Variants in ARHGAP42 observed in about 807,000 individuals in gnomAD.
ARHGAP42 encodes the protein Rho GTPase activating protein 42, also known as rho GTPase-activating protein 42.
A neutral mutation model predicts 125.0 loss-of-function variants in ARHGAP42; 63 were observed. The ratio of observed to expected loss-of-function variants is 0.50; its 90% confidence interval spans 0.41 to 0.62. The LOEUF is 0.62. ARHGAP42 is among the 20% of genes least tolerant of loss of function. The pLI, the probability that ARHGAP42 is intolerant of heterozygous loss-of-function variation, is 0.00. For missense variants in ARHGAP42, 766 were observed against 1,024.2 expected (o/e 0.75, Z 3.44); for synonymous variants, 339 against 351.0 (o/e 0.97, Z 0.38).
intron 12 of ARHGAP42, among the ~76,000 whole-genome samples, chr11:100,959,007 G>A (rs985920909): frequency 6.6e-6 from 1 of 151,828 alleles, no homozygotes; most frequent in Non-Finnish European, 1.5e-5. Flanking sequence ...GTCTTTAAAT[G>A]GAAGTTAGTT....
In ARHGAP42 at chr11:100,933,864, C is replaced by G. The variant is rs544526488; in HGVS notation, c.702+604C>G. ...GTGCAATGGCATGATCTCGGCTCAC[C>G]GCAACCTCCACCTCCTGGGTTCAAG... On this transcript the variant is annotated intron_variant, in intron 7 of 23. Coordinates refer to ENST00000298815, the MANE Select transcript of ARHGAP42 (RefSeq NM_152432.4). Among the ~76,000 whole-genome samples the G allele has an allele frequency of 2.6e-5, 4 of 151,892 alleles. No individual in the cohort carries two copies. In the South Asian group the frequency reaches 8.3e-4, roughly 31 times the overall value.
intron 22 of ARHGAP42, 112 bp downstream of exon 22, chr11:100,979,161 A>T (rs1858468103): frequency 1.9e-6 from 2 of 1,039,126 alleles, no homozygotes; most frequent in South Asian, 2.9e-5. Context: ...CAGATGGTCA[A>T]ATTTAAGTCC....
intron 3 of ARHGAP42, among the ~76,000 whole-genome samples, chr11:100,856,141 G>A (rs1865317747): frequency 6.6e-6 from 1 of 152,018 alleles, no homozygotes; most frequent in Non-Finnish European, 1.5e-5. Flanking sequence ...CATCAAGCCT[G>A]TTTTGTGAAT....
intron 3 of ARHGAP42, among the ~76,000 whole-genome samples, chr11:100,805,501 C>T (rs774007914): frequency 1.8e-4 from 28 of 152,130 alleles, no homozygotes; most frequent in Non-Finnish European, 3.1e-4. Context: ...AGAGAGGGTT[C>T]TTGGACCTTG....
intron 3 of ARHGAP42, among the ~76,000 whole-genome samples, chr11:100,814,461 T>A (rs920289880): frequency 6.6e-5 from 10 of 152,026 alleles, no homozygotes; most frequent in Admixed American, 2.0e-4. Flanking sequence ...AATGATTATA[T>A]CCATTTCTAA....
At chr11:100,859,319 C>A (rs1865390765) in intron 3 of ARHGAP42, 6 of 385,494 alleles carry the variant, frequency 1.6e-5, no homozygotes, top group South Asian at 6.5e-5. Context: ...AAGATTTCAC[C>A]ACAACAAGTA....
At chr11:100,902,717 G>A (rs558371213) in intron 4 of ARHGAP42, among the ~76,000 whole-genome samples, 2 of 152,146 alleles carry the variant, frequency 1.3e-5, no homozygotes, top group South Asian at 2.1e-4. Context: ...AGTGGGAACC[G>A]CAGGATGTAT....
chr11:100,830,166 C>T (rs1471379334), intron 3 of ARHGAP42, among the ~76,000 whole-genome samples: 1 of 152,148 alleles, frequency 6.6e-6, no homozygotes, highest in Admixed American at 6.5e-5. Flanking sequence ...TCTCAATTTT[C>T]AATATTACAC....
chr11:100,691,443 T>C, intron 1 of ARHGAP42, among the ~76,000 whole-genome samples: 1 of 152,176 alleles, frequency 6.6e-6, no homozygotes, highest in East Asian at 1.9e-4. Flanking sequence ...CTCCTTGTAA[T>C]AATACACAGA....
intron 17 of ARHGAP42, among the ~76,000 whole-genome samples, chr11:100,969,320 T>C (rs557462848): frequency 1.3e-5 from 2 of 152,322 alleles, no homozygotes; most frequent in South Asian, 4.1e-4. Context: ...TTTACTGTGA[T>C]GTGTCTTGCT....
intron 1 of ARHGAP42, among the ~76,000 whole-genome samples, chr11:100,753,642 T>G (rs1281282127): frequency 6.6e-6 from 1 of 152,230 alleles, no homozygotes; most frequent in Non-Finnish European, 1.5e-5. Context: ...TCAGTTAGAA[T>G]CAGGAATGGT....
At chr11:100,975,677 T>C (rs1228648771) in intron 19 of ARHGAP42, among the ~76,000 whole-genome samples, 1 of 152,212 alleles carries the variant, frequency 6.6e-6, no homozygotes, top group Non-Finnish European at 1.5e-5. Flanking sequence ...CCCCCTTTCA[T>C]TGATTCCTTG....
intron 3 of ARHGAP42, among the ~76,000 whole-genome samples, chr11:100,819,774 G>C (rs1864360770): frequency 6.6e-6 from 1 of 152,112 alleles, no homozygotes. Flanking sequence ...TTATTAGGGA[G>C]CTTTCCAAAT....
At chr11:100,960,568 A>G (rs1591323550) in intron 13 of ARHGAP42, among the ~76,000 whole-genome samples, 2 of 152,310 alleles carry the variant, frequency 1.3e-5, no homozygotes, top group South Asian at 4.1e-4. Flanking sequence ...TAAATGCCAT[A>G]GGACTTTTCA....
chr11:100,802,821 C>T (rs534640988), intron 3 of ARHGAP42, among the ~76,000 whole-genome samples: 32 of 152,246 alleles, frequency 2.1e-4, no homozygotes, highest in South Asian at 2.1e-4. Context: ...TTCTTTTGAA[C>T]TTACAGCTTT....
At chr11:100,936,129 C>A in intron 7 of ARHGAP42, 74 bp from the exon 8 acceptor site, 1 of 1,516,430 alleles carries the variant, frequency 6.6e-7, no homozygotes, top group Non-Finnish European at 8.9e-7. Flanking sequence ...AAAAGCAAAA[C>A]AAAATATTAG....
chr11:100,731,855 C>G (rs1407761458), intron 1 of ARHGAP42, among the ~76,000 whole-genome samples: 1 of 152,214 alleles, frequency 6.6e-6, no homozygotes, highest in African/African-American at 2.4e-5. Context: ...CCCTCACCAT[C>G]TCAAAGAAAG....
At chr11:100,976,527 A>G (rs1349286224) in intron 20 of ARHGAP42, 90 bp downstream of exon 20, 3 of 1,427,918 alleles carry the variant, frequency 2.1e-6, no homozygotes, top group Non-Finnish European at 2.8e-6. Flanking sequence ...GATAAAGTTA[A>G]TGGTGGAGAA....
intron 3 of ARHGAP42, among the ~76,000 whole-genome samples, chr11:100,826,779 G>T (rs1211547663): frequency 6.6e-6 from 1 of 151,990 alleles, no homozygotes; most frequent in African/African-American, 2.4e-5. Context: ...TGTCTCTCTG[G>T]GGTATGTAAT....
Sources: gnomAD v4.1 joint callset for allele counts (sites outside exome capture counted in the v4.1 genomes callset) on GRCh38, gnomAD v4.1.1 for gene constraint, MANE v1.5 for transcripts, NCBI Gene and HGNC (gene_info 2026-07-23, HGNC 2026-07-21) for gene names.